The following ATCAY variants were observed in gnomAD, a reference collection of about 807,000 sequenced individuals.
The protein encoded by ATCAY is ATCAY kinesin light chain interacting caytaxin, also known as caytaxin.
A neutral mutation model predicts 47.7 loss-of-function variants in ATCAY; 22 were observed. The ratio of observed to expected loss-of-function variants is 0.46; its 90% CI spans 0.33 to 0.66. The LOEUF (loss-of-function observed/expected upper bound fraction) is 0.66. ATCAY is among the 30% of genes least tolerant of loss of function. The pLI, the probability that ATCAY is intolerant of heterozygous loss-of-function variation, is 0.02. For synonymous variants in ATCAY, 216 were observed against 207.6 expected, an observed-to-expected ratio of 1.04 and a Z score of -0.35; for missense variants, 452 against 515.0, an observed-to-expected ratio of 0.88 and a Z score of 1.18.
chr19:3,905,952 C>G (rs1304793531), intron 4 of ATCAY, among the ~76,000 whole-genome samples: 1 of 151,870 alleles, frequency 6.6e-6, no homozygotes, highest in Non-Finnish European at 1.5e-5. Context: ...GCGGGCAGAT[C>G]ACGAGGTCAG....
intron 8 of ATCAY, 93 bp from the exon 9 acceptor site, chr19:3,913,664 TG>T: frequency 1.1e-6 from 1 of 906,848 alleles, no homozygotes; most frequent in Non-Finnish European, 1.8e-6. Flanking sequence ...TGGGGTCCTG[TG>T]GGGATCCCTG....
Position 3,887,480 on chromosome 19 carries a change from T to TTTA in ATCAY, c.77+1639_77+1641dup, listed in dbSNP as rs745689885. On this transcript the variant is annotated intron_variant, in intron 2 of 12. Transcript: ENST00000450849. ...CTCTATTTTATTTTATTTTTTTTAT[T>TTTA]TTATTTATTTATTTATTTATTTTTG... 4.3e-5 allele frequency among the ~76,000 whole-genome samples: 6 copies of TTTA among 140,206 alleles called. No individual in the cohort carries two copies. The South Asian group carries it at 1.6e-3, about 38-fold the overall frequency. 92.0% of individuals were successfully genotyped at this position (140,206 alleles called of 152,430 possible). A position where few individuals can be genotyped will look rare whatever the true frequency, so the allele number is the denominator to read the frequency against.
chr19:3,895,030 C>T (rs2038755502), intron 2 of ATCAY: 2 of 425,980 alleles, frequency 4.7e-6, no homozygotes, highest in Admixed American at 2.5e-5. Context: ...TCTCTCTCTC[C>T]TCTCCTTTAT....
chr19:3,889,824 G>A (rs1038996874), intron 2 of ATCAY, among the ~76,000 whole-genome samples: 4 of 152,110 alleles, frequency 2.6e-5, no homozygotes, highest in African/African-American at 9.7e-5. Context: ...TGATAAAACA[G>A]CCGAGATGGG....
At chr19:3,888,882 C>T (rs1203010623) in intron 2 of ATCAY, among the ~76,000 whole-genome samples, 2 of 152,076 alleles carry the variant, frequency 1.3e-5, no homozygotes, top group Admixed American at 6.6e-5. Context: ...CTTCAGCCCT[C>T]TCCTGAATCC....
chr19:3,907,748 G>A lies in ATCAY; in HGVS notation c.373G>A (p.Ala125Thr), dbSNP rs765940923. The A allele has an allele frequency of 9.3e-6, 15 of 1,613,876 alleles. No individual in the cohort carries two copies. Among genetic ancestry groups the A allele is most frequent in the South Asian group, 2.2e-5 (2 of 91,086 alleles). ...ELEWEDDTPV[A>T]TAKNMPGDSA... is the part of the protein sequence containing the mutation. ...CCTGCTTCTAGACGACACCCCCGTGGCCACCGCCAAGAACATGCCCGGGGA... is the reference window on the plus strand; with the variant it reads ...CCTGCTTCTAGACGACACCCCCGTGACCACCGCCAAGAACATGCCCGGGGA... The change falls in exon 5 of 13, where the codon GCC becomes ACC. Residue 125 changes from alanine to threonine, a missense_variant. Transcript: ENST00000450849. The surrounding 1 kb of genome is among the most constrained non-coding windows in gnomAD (Gnocchi z 5.1).
At chr19:3,901,519 G>C (rs1251474074) in intron 2 of ATCAY, among the ~76,000 whole-genome samples, 1 of 151,944 alleles carries the variant, frequency 6.6e-6, no homozygotes, top group Admixed American at 6.6e-5. Context: ...AATCCCACAG[G>C]GTCGCCCTAG....
At position 3,907,925 on chromosome 19, in the gene ATCAY, A is replaced by G. The variant is rs113261717; in HGVS notation, c.544+6A>G. The stretch of plus-strand genomic sequence containing the variant: ...GAAAGTGGTCACCCACGGAGGTGAG[A>G]CCCGCCCCCCGGTGCCCCCTTGGGG... On this transcript the variant is annotated splice_donor_region_variant and intron_variant, in intron 5 of 12. Coordinates refer to ENST00000450849, the MANE Select transcript of ATCAY (RefSeq NM_033064.5). The surrounding 1 kb of genome is among the most constrained non-coding windows in gnomAD (Gnocchi z 5.1). 29 of 1,611,818 alleles carry G rather than the reference A, an allele frequency of 1.8e-5. No homozygotes were observed. Among genetic ancestry groups the G allele is most frequent in the African/African-American group, 1.1e-4 (8 of 74,790 alleles).
intron 12 of ATCAY, among the ~76,000 whole-genome samples, chr19:3,921,671 G>A (rs1178856612): frequency 6.6e-6 from 1 of 152,112 alleles, no homozygotes; most frequent in East Asian, 1.9e-4. Flanking sequence ...GCCGAGGCAG[G>A]TGGATCACTT....
chr19:3,885,947 G>A, intron 2 of ATCAY, 103 bp downstream of exon 2: 2 of 1,175,050 alleles, frequency 1.7e-6, no homozygotes, highest in African/African-American at 1.5e-5. Flanking sequence ...GAACCGCCCG[G>A]GGCTGGCCTG....
chr19:3,923,908 G>A (rs1293937369), intron 12 of ATCAY, among the ~76,000 whole-genome samples: 1 of 148,870 alleles, frequency 6.7e-6, no homozygotes, highest in African/African-American at 2.5e-5. Context: ...GGCTAGATGT[G>A]TGGGTGGTTG....
At chr19:3,908,961 A>C (rs1599290313) in intron 6 of ATCAY, among the ~76,000 whole-genome samples, 1 of 60,874 alleles carries the variant, frequency 1.6e-5, no homozygotes, top group African/African-American at 7.5e-5. Flanking sequence ...CTGAGATGGC[A>C]CCACTGCACT....
rs575250529 is a variant in ATCAY, at chr19:3,923,846, G to A, written c.1107-737G>A. On this transcript the variant is annotated intron_variant, in intron 12 of 12. Transcript: ENST00000450849. ...TGGATGGGTGGGTGGGTGGATGGATGGATGGATGGATGGATAGATAGGTGG... is the reference window on the plus strand; with the variant it reads ...TGGATGGGTGGGTGGGTGGATGGATAGATGGATGGATGGATAGATAGGTGG... Among the ~76,000 whole-genome samples, 102 of 150,778 alleles carry A rather than the reference G, an allele frequency of 6.8e-4. 1 individual carries two copies. The South Asian group carries it at 0.017, about 25-fold the overall frequency.
chr19:3,927,348 G>C lies in ATCAY; in HGVS notation c.*2756G>C, dbSNP rs1015851278. Reference sequence around the variant, plus strand: ...GACCAAAGGCACGCAGCTCCAGCATGAATCGTTCTAACCCAACAGTGACAA... The same window carrying C: ...GACCAAAGGCACGCAGCTCCAGCATCAATCGTTCTAACCCAACAGTGACAA... On this transcript the variant is annotated 3_prime_UTR_variant, in exon 13 of 13. Transcript: ENST00000450849. 1 of 152,250 alleles carries C rather than the reference G, an allele frequency of 6.6e-6. No homozygotes were observed. The highest frequency in any genetic ancestry group is 2.4e-5 in the African/African-American group (1 of 41,448). The allele number at this position is 152,250 out of a possible 1,614,324, so 9.4% of individuals were successfully genotyped here. A position where few individuals can be genotyped will look rare whatever the true frequency, so the allele number is the denominator to read the frequency against.
chr19:3,899,780 G>A (rs1294333279), intron 2 of ATCAY, among the ~76,000 whole-genome samples: 3 of 152,204 alleles, frequency 2.0e-5, no homozygotes, highest in Non-Finnish European at 2.9e-5. Flanking sequence ...TGGCAGCCCC[G>A]TGCAAAATGT....
At chr19:3,922,091 T>C (rs1175028030) in intron 12 of ATCAY, 4 of 695,254 alleles carry the variant, frequency 5.8e-6, no homozygotes, top group Non-Finnish European at 1.0e-5. Flanking sequence ...CCCAAGCCTT[T>C]CTAGCCAGGG....
At position 3,907,272 on chromosome 19, in the gene ATCAY, C is replaced by T. The variant is rs1053515843; in HGVS notation, c.359-462C>T. ...CCAGCCTGGGCAACATATTGAAACCCCATCTCTACAAAAATATAAAAATTA... is the reference window on the plus strand; with the variant it reads ...CCAGCCTGGGCAACATATTGAAACCTCATCTCTACAAAAATATAAAAATTA... On this transcript the variant is annotated intron_variant, in intron 4 of 12. Transcript: ENST00000450849. This position sits in a 1 kb window ranked among gnomAD's most constrained non-coding sequence, Gnocchi z 5.1. 1.3e-5 allele frequency among the ~76,000 whole-genome samples: 2 copies of T among 152,038 alleles called. No homozygotes were observed. Among genetic ancestry groups the T allele is most frequent in the African/African-American group, 2.4e-5 (1 of 41,402 alleles).
intron 9 of ATCAY, among the ~76,000 whole-genome samples, chr19:3,916,570 T>A (rs898233355): frequency 1.3e-5 from 2 of 152,196 alleles, no homozygotes; most frequent in African/African-American, 2.4e-5. Context: ...CTTGGCTCGC[T>A]GCAACCTCCA....
chr19:3,903,334 C>G (rs1033670101), intron 3 of ATCAY, among the ~76,000 whole-genome samples: 2 of 151,958 alleles, frequency 1.3e-5, no homozygotes, highest in Non-Finnish European at 2.9e-5. Flanking sequence ...CCCCAGATCC[C>G]GGGGATGGGA....
Sources: gnomAD v4.1 joint callset for allele counts (sites outside exome capture counted in the v4.1 genomes callset) on GRCh38, gnomAD v4.1.1 for gene constraint, Gnocchi (gnomAD v3.1) non-coding constraint, MANE v1.5 for transcripts, NCBI Gene and HGNC (gene_info 2026-07-23, HGNC 2026-07-21) for gene names.